Variants in ARHGAP1 observed in about 807,000 individuals in gnomAD.
The protein encoded by ARHGAP1 is Rho GTPase activating protein 1, also known as rho GTPase-activating protein 1.
Under a neutral mutation model 52.2 loss-of-function variants are expected in ARHGAP1, and 23 were observed. The ratio of observed to expected loss-of-function variants is 0.44; its 90% CI spans 0.32 to 0.62. The LOEUF is 0.62. ARHGAP1 is among the 20% of genes least tolerant of loss of function. ARHGAP1 has a pLI of 0.05. For synonymous variants in ARHGAP1, 210 were observed against 228.4 expected, an observed-to-expected ratio of 0.92 and a Z score of 0.73; for missense variants, 480 against 560.9, an observed-to-expected ratio of 0.86 and a Z score of 1.46.
chr11:46,682,650 C>T (rs540600582), intron 4 of ARHGAP1, among the ~76,000 whole-genome samples: 78 of 152,284 alleles, frequency 5.1e-4, no homozygotes, highest in African/African-American at 1.6e-3. Flanking sequence ...TGGCACTGTA[C>T]TCCAGCCTGG....
In ARHGAP1 at chr11:46,678,982, G is replaced by A; in HGVS notation, c.*55C>T. ...GGCTTCATGGCCCCTGATGCCAGGA[G>A]GAAGAGTCCAAACCCGGGCTACCAG... On this transcript the variant is annotated 3_prime_UTR_variant, in exon 13 of 13. Coordinates refer to ENST00000311956, the MANE Select transcript of ARHGAP1 (RefSeq NM_004308.5). 5 of 1,579,472 alleles carry A rather than the reference G, an allele frequency of 3.2e-6. No homozygotes were observed. Among genetic ancestry groups the A allele is most frequent in the Middle Eastern group, 1.7e-4 (1 of 5,908 alleles).
chr11:46,695,801 C>T, intron 2 of ARHGAP1, 46 bp from the exon 3 acceptor site: 1 of 1,554,122 alleles, frequency 6.4e-7, no homozygotes, highest in African/African-American at 1.4e-5. Flanking sequence ...GGGCTGGCAC[C>T]ATGCTCTGCC....
intron 3 of ARHGAP1, among the ~76,000 whole-genome samples, chr11:46,693,929 C>T (rs2064632666): frequency 6.6e-6 from 1 of 152,174 alleles, no homozygotes; most frequent in African/African-American, 2.4e-5. Context: ...ACCAGCACAC[C>T]ACTGGAAAGA....
rs758065311 is a variant in ARHGAP1 at position 46,679,760 on chromosome 11, G to A, written c.915C>T (p.Phe305=). 2.0e-5 allele frequency: 32 copies of A among 1,613,598 alleles called. No homozygotes were observed. Among genetic ancestry groups the A allele is most frequent in the African/African-American group, 5.3e-5 (4 of 74,920 alleles). Residue 305 remains phenylalanine, a synonymous_variant, in exon 11 of 13, where the codon TTC becomes TTT. Coordinates refer to ENST00000311956, the MANE Select transcript of ARHGAP1 (RefSeq NM_004308.5). This position sits in a 1 kb window ranked among gnomAD's most constrained non-coding sequence, Gnocchi z 4.4. ...QKYNMGLPVD[F]DQYNELHLPA... is the part of the protein sequence containing the mutation. ...GCAGGTGCAGCTCATTGTACTGGTC[G>A]AAATCCACAGGCAGCCCTGGGGTGG...
chr11:46,691,699 G>A (rs1033061087), intron 3 of ARHGAP1, among the ~76,000 whole-genome samples: 4 of 151,946 alleles, frequency 2.6e-5, no homozygotes, highest in Admixed American at 6.6e-5. Flanking sequence ...TGATCTGCTC[G>A]CCTCAGCCTC....
At chr11:46,694,310 T>A (rs2064636265) in intron 3 of ARHGAP1, among the ~76,000 whole-genome samples, 1 of 150,360 alleles carries the variant, frequency 6.7e-6, no homozygotes. Flanking sequence ...AACTCCCAGC[T>A]CCCCAGGGTG....
rs1265208527 is a variant in ARHGAP1 at position 46,681,959 on chromosome 11, G to T, written c.449+92C>A. The T allele has an allele frequency of 6.4e-7, 1 of 1,570,096 alleles. No homozygotes were observed. The highest frequency in any genetic ancestry group is 1.3e-5 in the African/African-American group (1 of 74,074). On this transcript the variant is annotated intron_variant, in intron 5 of 12. Transcript: ENST00000311956. This position sits in a 1 kb window ranked among gnomAD's most constrained non-coding sequence, Gnocchi z 5.7. ...GCAGCCCCCGCCACCCCCTGCCTTG[G>T]AATAAGCTCCTGCCCAAGTGGAGGG...
At chr11:46,686,560 C>T (rs941978728) in intron 4 of ARHGAP1, among the ~76,000 whole-genome samples, 4 of 151,864 alleles carry the variant, frequency 2.6e-5, no homozygotes, top group Non-Finnish European at 4.4e-5. Context: ...GGACTACAGG[C>T]GCCCGCCACC....
Position 46,681,569 on chromosome 11 carries a change from G to T in ARHGAP1, c.450-190C>A. On this transcript the variant is annotated intron_variant, in intron 5 of 12. Coordinates refer to ENST00000311956, the MANE Select transcript of ARHGAP1 (RefSeq NM_004308.5). This position sits in a 1 kb window ranked among gnomAD's most constrained non-coding sequence, Gnocchi z 5.7. Reference sequence around the variant, plus strand: ...CTGCCTCAGCCTCCTGAGTAACTAGGATTACAGGCACCCACCACCACACCT... The same window carrying T: ...CTGCCTCAGCCTCCTGAGTAACTAGTATTACAGGCACCCACCACCACACCT... 2 of 548,154 alleles carry T rather than the reference G, an allele frequency of 3.6e-6. No individual in the cohort carries two copies. Among genetic ancestry groups the T allele is most frequent in the Non-Finnish European group, 6.6e-6 (2 of 303,802 alleles). 34.0% of individuals were successfully genotyped at this position (548,154 alleles called of 1,614,324 possible).
chr11:46,677,892 C>G lies in ARHGAP1; in HGVS notation c.*1145G>C, dbSNP rs547497996. On this transcript the variant is annotated 3_prime_UTR_variant, in exon 13 of 13. Transcript: ENST00000311956. ...TTGAACCCAGAAGGCGGAGGTGTGC[C>G]GAGATCGCGCCACTGCACTCCAGCC... The G allele has an allele frequency of 2.4e-6, 1 of 423,560 alleles. No individual in the cohort carries two copies. The highest frequency in any genetic ancestry group is 2.1e-5 in the African/African-American group (1 of 47,132). The allele number at this position is 423,560 out of a possible 1,614,324, so 26.2% of individuals were successfully genotyped here. A position where few individuals can be genotyped will look rare whatever the true frequency, so the allele number is the denominator to read the frequency against.
Position 46,696,301 on chromosome 11 carries a change from C to T in ARHGAP1, c.-49-145G>A, listed in dbSNP as rs1380676333. On this transcript the variant is annotated intron_variant, in intron 1 of 12. Transcript: ENST00000311956. The surrounding 1 kb of genome is among the most constrained non-coding windows in gnomAD (Gnocchi z 4.8). ...CAACACTCCTCATCCCCGCCAAGAG[C>T]TCCACGTAGCTCTGGGTTCTCCTGG... 2 of 606,286 alleles carry T rather than the reference C, an allele frequency of 3.3e-6. No individual in the cohort carries two copies. The allele number at this position is 606,286 out of a possible 1,614,324, so 37.6% of individuals were successfully genotyped here. A position where few individuals can be genotyped will look rare whatever the true frequency, so the allele number is the denominator to read the frequency against.
rs748171315 is a variant in ARHGAP1 at position 46,681,432 on chromosome 11, C to T, written c.450-53G>A. On this transcript the variant is annotated intron_variant, in intron 5 of 12. Coordinates refer to ENST00000311956, the MANE Select transcript of ARHGAP1 (RefSeq NM_004308.5). The surrounding 1 kb of genome is among the most constrained non-coding windows in gnomAD (Gnocchi z 5.7). Reference sequence around the variant, plus strand: ...AGCAGGCGTGGTGGGACAGGTGCCACGCTAGGGTCCCAGTGCATACTTTTT... The same window carrying T: ...AGCAGGCGTGGTGGGACAGGTGCCATGCTAGGGTCCCAGTGCATACTTTTT... 6.9e-5 allele frequency: 93 copies of T among 1,352,434 alleles called. No individual in the cohort carries two copies. Among genetic ancestry groups the T allele is most frequent in the Middle Eastern group, 1.8e-4 (1 of 5,536 alleles). 83.8% of individuals were successfully genotyped at this position (1,352,434 alleles called of 1,614,324 possible). A position where few individuals can be genotyped will look rare whatever the true frequency, so the allele number is the denominator to read the frequency against.
intron 3 of ARHGAP1, among the ~76,000 whole-genome samples, chr11:46,693,551 A>G (rs1455080918): frequency 6.6e-6 from 1 of 152,036 alleles, no homozygotes; most frequent in Non-Finnish European, 1.5e-5. Flanking sequence ...GACTACAGGC[A>G]CAGGCTACCA....
chr11:46,677,944 G>GAAAAAAAAA lies in ARHGAP1; in HGVS notation c.*1084_*1092dup. On this transcript the variant is annotated 3_prime_UTR_variant, in exon 13 of 13. Transcript: ENST00000311956. The stretch of plus-strand genomic sequence containing the variant: ...GGTGACAGAGCGAGACTCCATCTCA[G>GAAAAAAAAA]AAAAAAAAAAAAAAAGGTGGCCCTA... The GAAAAAAAAA allele has an allele frequency of 2.7e-6, 1 of 366,026 alleles. No individual in the cohort carries two copies. The highest frequency in any genetic ancestry group is 5.2e-6 in the Non-Finnish European group (1 of 191,106). The allele number at this position is 366,026 out of a possible 1,614,324, so 22.7% of individuals were successfully genotyped here.
chr11:46,688,043 A>G, intron 4 of ARHGAP1, 130 bp downstream of exon 4: 1 of 826,056 alleles, frequency 1.2e-6, no homozygotes, highest in Non-Finnish European at 1.9e-6. Flanking sequence ...CAGCTCCTTC[A>G]TGAGAAGAGG....
intron 3 of ARHGAP1, among the ~76,000 whole-genome samples, chr11:46,691,955 C>G (rs1328662840): frequency 6.6e-6 from 1 of 152,216 alleles, no homozygotes; most frequent in Non-Finnish European, 1.5e-5. Flanking sequence ...TTTCCCAAAG[C>G]TCAGGACAGA....
chr11:46,680,857 C>G lies in ARHGAP1; in HGVS notation c.636-110G>C. ...TCAGGAGGATCATCTCATGCGATCT[C>G]TGTAACAACTCCGCTTTCCACAGCA... On this transcript the variant is annotated intron_variant, in intron 7 of 12. Transcript: ENST00000311956. This position sits in a 1 kb window ranked among gnomAD's most constrained non-coding sequence, Gnocchi z 5.9. The G allele has an allele frequency of 1.9e-6, 2 of 1,072,180 alleles. No individual in the cohort carries two copies. The highest frequency in any genetic ancestry group is 3.2e-5 in the African/African-American group (2 of 63,412). 66.4% of individuals were successfully genotyped at this position (1,072,180 alleles called of 1,614,324 possible). A position where few individuals can be genotyped will look rare whatever the true frequency, so the allele number is the denominator to read the frequency against.
At chr11:46,695,094 C>T (rs959935617) in intron 3 of ARHGAP1, 14 of 194,690 alleles carry the variant, frequency 7.2e-5, no homozygotes, top group Non-Finnish European at 1.4e-4. Flanking sequence ...TTCTGGGTCC[C>T]CCCTTATGAA....
chr11:46,681,099 C>A lies in ARHGAP1; in HGVS notation c.547G>T (p.Gly183Trp). The change falls in exon 7 of 13, where the codon GGG becomes TGG. Residue 183 changes from glycine to tryptophan, a missense_variant. By Grantham distance (184) the Gly-to-Trp change is radical (BLOSUM62 -2). Transcript: ENST00000311956. The surrounding 1 kb of genome is among the most constrained non-coding windows in gnomAD (Gnocchi z 5.7). ...TAATTCACATAGAAGATCTTCTGCC[C>A]GAACTTGAAGCTGTTGGTGGAAGAA... ...LFKPLISFKF[G>W]QKIFYVNYLS... 6.2e-7 allele frequency: 1 copy of A among 1,614,138 alleles called. No homozygotes were observed. Among genetic ancestry groups the A allele is most frequent in the Non-Finnish European group, 8.5e-7 (1 of 1,179,998 alleles).
Sources: gnomAD v4.1 joint callset for allele counts (sites outside exome capture counted in the v4.1 genomes callset) on GRCh38, gnomAD v4.1.1 for gene constraint, Gnocchi (gnomAD v3.1) non-coding constraint, MANE v1.5 for transcripts, NCBI Gene and HGNC (gene_info 2026-07-23, HGNC 2026-07-21) for gene names.